The following SRFBP1 variants were observed in gnomAD, a reference collection of about 807,000 sequenced individuals.
SRFBP1 encodes serum response factor binding protein 1.
A neutral mutation model predicts 45.5 loss-of-function variants in SRFBP1; 47 were observed. That is an observed-to-expected ratio of 1.03 (90% confidence interval 0.82 to 1.32). The LOEUF (loss-of-function observed/expected upper bound fraction) is 1.32. Among genes scored for constraint, SRFBP1 ranks in the 40% most tolerant of loss-of-function variants. The pLI is 0.00. For synonymous variants in SRFBP1, 203 were observed against 166.3 expected (o/e 1.22, Z -1.70); for missense variants, 621 against 484.6 (o/e 1.28, Z -2.64).
downstream of SRFBP1, among the ~76,000 whole-genome samples, chr5:122,028,979 TA>T (rs1308274111): frequency 3.3e-5 from 5 of 152,196 alleles, no homozygotes; most frequent in East Asian, 9.6e-4. Context: ...TGAAGTTACT[TA>T]GAATCAGATG....
At chr5:122,003,266 G>A (rs1255487816) in intron 4 of SRFBP1, among the ~76,000 whole-genome samples, 2 of 151,432 alleles carry the variant, frequency 1.3e-5, no homozygotes, top group East Asian at 2.0e-4. Context: ...AACCACATGA[G>A]CCTGGAAGGT....
intron 1 of SRFBP1, among the ~76,000 whole-genome samples, chr5:121,973,595 TATGTGTGTGC>T (rs1223767387): frequency 7.1e-6 from 1 of 141,672 alleles, no homozygotes; most frequent in Non-Finnish European, 1.6e-5. Flanking sequence ...TATGTATTTG[TATGTGTGTGC>T]ATGTGTGTGT....
chr5:121,965,811 CCTAT>C (rs1561573439), intron 1 of SRFBP1, among the ~76,000 whole-genome samples: 1 of 152,166 alleles, frequency 6.6e-6, no homozygotes, highest in Non-Finnish European at 1.5e-5. Context: ...ATTGATTCTT[CCTAT>C]CTATGAGCAT....
At chr5:121,974,047 G>T in intron 1 of SRFBP1, 149 bp from the exon 2 acceptor site, 1 of 535,700 alleles carries the variant, frequency 1.9e-6, no homozygotes, top group Non-Finnish European at 3.3e-6. Context: ...ATTTATGGAA[G>T]AGGTTTGATT....
At chr5:122,035,571 G>T (rs1190058525) in intron 2 of SRFBP1, among the ~76,000 whole-genome samples, 2 of 152,038 alleles carry the variant, frequency 1.3e-5, no homozygotes, top group Non-Finnish European at 2.9e-5. Flanking sequence ...ACATCTCTTT[G>T]TTGGATTCAA....
chr5:122,000,981 T>G (rs1752853394), intron 4 of SRFBP1, among the ~76,000 whole-genome samples: 1 of 152,110 alleles, frequency 6.6e-6, no homozygotes, highest in African/African-American at 2.4e-5. Context: ...ATAGAAAAAT[T>G]TGACATACAC....
chr5:122,061,979 T>G (rs922974919), intron 2 of SRFBP1, among the ~76,000 whole-genome samples: 26 of 151,418 alleles, frequency 1.7e-4, no homozygotes, highest in African/African-American at 6.3e-4. Flanking sequence ...TATCCCAGAG[T>G]TTTCCAAGCA....
intron 2 of SRFBP1, 25 bp from the exon 3 acceptor site, chr5:121,975,290 A>G (rs1294065900): frequency 1.2e-6 from 2 of 1,610,374 alleles, no homozygotes; most frequent in Non-Finnish European, 1.7e-6. Context: ...TTGCCTGGCT[A>G]CATATCGTAA....
At chr5:121,992,143 G>A (rs1193823410) in intron 3 of SRFBP1, among the ~76,000 whole-genome samples, 2 of 152,052 alleles carry the variant, frequency 1.3e-5, no homozygotes, top group Admixed American at 1.3e-4. Flanking sequence ...CAGTGCTGAA[G>A]GTTAGAAGTC....
In SRFBP1 at chr5:122,048,751, A is replaced by C. The variant is rs997560577; in HGVS notation, n.311+26344A>C. Among the ~76,000 whole-genome samples the C allele has an allele frequency of 2.0e-5, 3 of 152,082 alleles. No individual in the cohort carries two copies. In the East Asian group the frequency reaches 5.8e-4, roughly 29 times the overall value. ...TGTTATTGGTCTTTTCAGAGATTCA[A>C]CTTCTTCCTTGTTTAGTCTTGGGAG... On this transcript the variant is annotated intron_variant and non_coding_transcript_variant, in intron 2 of 2. Transcript: ENST00000504881.
intron 2 of SRFBP1, among the ~76,000 whole-genome samples, chr5:122,045,855 C>A (rs895309348): frequency 1.3e-5 from 2 of 152,088 alleles, no homozygotes; most frequent in Non-Finnish European, 2.9e-5. Flanking sequence ...ATTTCTTATT[C>A]TTGCCTGATT....
intron 4 of SRFBP1, among the ~76,000 whole-genome samples, chr5:122,003,675 C>T (rs1474787229): frequency 1.3e-5 from 2 of 152,086 alleles, no homozygotes; most frequent in Non-Finnish European, 2.9e-5. Flanking sequence ...CATTGCCATC[C>T]AACAATGTAT....
At chr5:121,986,241 A>C (rs913691504) in intron 3 of SRFBP1, among the ~76,000 whole-genome samples, 5 of 152,036 alleles carry the variant, frequency 3.3e-5, no homozygotes, top group Non-Finnish European at 5.9e-5. Context: ...TGATAGGCCA[A>C]GAAGGGGACA....
intron 1 of SRFBP1, among the ~76,000 whole-genome samples, chr5:121,969,830 A>C (rs1333929987): frequency 6.6e-6 from 1 of 151,088 alleles, no homozygotes. Flanking sequence ...CCTTCCTTCT[A>C]CTTGTCTTTC....
At position 122,039,704 on chromosome 5, in the gene SRFBP1, A is replaced by G. The variant is rs75207952; in HGVS notation, n.311+17297A>G. Among the ~76,000 whole-genome samples the G allele has an allele frequency of 5.0e-3, 765 of 152,256 alleles. 10 individuals are homozygous for G. Among genetic ancestry groups the G allele is most frequent in the African/African-American group, 0.017 (722 of 41,558 alleles). ...TTCTCTGAATAATTGCATTGAGCAG[A>G]TCCTCCCAAGTCCATCCAGTCTTTA... On this transcript the variant is annotated intron_variant and non_coding_transcript_variant, in intron 2 of 2. Transcript: ENST00000504881.
intron 4 of SRFBP1, among the ~76,000 whole-genome samples, chr5:122,002,426 T>C (rs1399469713): frequency 6.6e-6 from 1 of 152,256 alleles, no homozygotes; most frequent in Non-Finnish European, 1.5e-5. Flanking sequence ...ATGGGCTTAC[T>C]CTTTTTGAAT....
In SRFBP1 at chr5:122,020,181, T is replaced by G. The variant is rs750907338; in HGVS notation, c.446T>G (p.Leu149Trp). Residue 149 changes from leucine (L) to tryptophan (W), a missense_variant, in exon 6 of 8, where the codon TTG becomes TGG. Physicochemically the swap from Leu to Trp is moderately conservative, Grantham distance 61. Transcript: ENST00000339397. ...ASEDNHSENTLYSNDNGSNLQ... is the reference protein window; with the variant it reads ...ASEDNHSENTWYSNDNGSNLQ... ...GAGGACAATCATTCTGAGAATACTT[T>G]GTATTCAAATGATAATGGAAGTAAT... 15 of 1,610,862 alleles carry G rather than the reference T, an allele frequency of 9.3e-6. No homozygotes were observed. Among genetic ancestry groups the G allele is most frequent in the Admixed American group, 3.4e-5 (2 of 59,344 alleles).
chr5:121,971,335 A>T (rs1752190474), intron 1 of SRFBP1, among the ~76,000 whole-genome samples: 1 of 152,008 alleles, frequency 6.6e-6, no homozygotes, highest in African/African-American at 2.4e-5. Flanking sequence ...AGGATTTAAG[A>T]TTAATAGGAC....
At chr5:122,016,196 T>TCTGA (rs1196231321) in intron 4 of SRFBP1, among the ~76,000 whole-genome samples, 1 of 152,170 alleles carries the variant, frequency 6.6e-6, no homozygotes, top group Non-Finnish European at 1.5e-5. Flanking sequence ...AACCTAAGTC[T>TCTGA]CCTGTCACCA....
Sources: allele counts gnomAD v4.1 joint callset (sites outside exome capture counted in the v4.1 genomes callset), GRCh38; gene constraint gnomAD v4.1.1; transcripts MANE v1.5; gene names NCBI Gene and HGNC (gene_info 2026-07-23, HGNC 2026-07-21).